Variants in RABGAP1L observed in about 807,000 individuals in gnomAD.
RABGAP1L encodes rab GTPase-activating protein 1-like.
In RABGAP1L, 63 loss-of-function variants were observed where a neutral mutation model predicts 137.7. That is an observed-to-expected ratio of 0.46 (90% CI 0.37 to 0.56). The LOEUF (loss-of-function observed/expected upper bound fraction) is 0.56, where lower values mean the gene tolerates loss of function less well. RABGAP1L is among the 20% of genes least tolerant of loss of function. The pLI is 0.00. For synonymous variants in RABGAP1L, 431 were observed against 433.7 expected (o/e 0.99, Z 0.08); for missense variants, 1,095 against 1,244.0 (o/e 0.88, Z 1.80).
At chr1:174,441,981 A>G (rs966223517) in intron 13 of RABGAP1L, among the ~76,000 whole-genome samples, 2 of 152,090 alleles carry the variant, frequency 1.3e-5, no homozygotes, top group African/African-American at 2.4e-5. Flanking sequence ...TGTAGATTCA[A>G]ATAGCTACCA....
In RABGAP1L at chr1:174,820,339, G is replaced by A. The variant is rs557486772; in HGVS notation, c.2340+8379G>A. On this transcript the variant is annotated intron_variant, in intron 19 of 25. Coordinates refer to ENST00000681986, the MANE Select transcript of RABGAP1L (RefSeq NM_001366446.1). ...GAAAGAGGTATCCCTGATTTGTAGC[G>A]TTTGCCCATTTCCATGGTATGAATA... Among the ~76,000 whole-genome samples the A allele has an allele frequency of 8.5e-5, 13 of 152,172 alleles. No individual in the cohort carries two copies. The East Asian group carries it at 1.2e-3, about 14-fold the overall frequency.
chr1:174,502,569 G>A (rs1363455180), intron 13 of RABGAP1L, among the ~76,000 whole-genome samples: 1 of 95,208 alleles, frequency 1.1e-5, no homozygotes, highest in African/African-American at 4.7e-5. Context: ...GCAGAAGAAA[G>A]TACACGGTAT....
chr1:174,211,515 A>G (rs1040175566), intron 1 of RABGAP1L, among the ~76,000 whole-genome samples: 1 of 152,182 alleles, frequency 6.6e-6, no homozygotes, highest in African/African-American at 2.4e-5. Context: ...GAAGCAAGAA[A>G]TTAAATCATG....
chr1:174,746,945 G>A (rs957849887), intron 17 of RABGAP1L, among the ~76,000 whole-genome samples: 1 of 152,186 alleles, frequency 6.6e-6, no homozygotes, highest in Non-Finnish European at 1.5e-5. Context: ...TAAATGATAA[G>A]TGGCCATAAT....
chr1:174,748,025 T>C (rs1303899575), intron 17 of RABGAP1L, among the ~76,000 whole-genome samples: 1 of 152,148 alleles, frequency 6.6e-6, no homozygotes, highest in African/African-American at 2.4e-5. Context: ...CAAAATCATA[T>C]CACCAAACTA....
At chr1:174,820,846 G>C (rs116026255) in intron 19 of RABGAP1L, among the ~76,000 whole-genome samples, 1 of 151,860 alleles carries the variant, frequency 6.6e-6, no homozygotes, top group African/African-American at 2.4e-5. Flanking sequence ...GTGAAAACCC[G>C]TATCTACTAA....
intron 19 of RABGAP1L, among the ~76,000 whole-genome samples, chr1:174,933,836 G>T (rs1664272180): frequency 6.6e-6 from 1 of 152,092 alleles, no homozygotes; most frequent in Non-Finnish European, 1.5e-5. Context: ...TTAGGGCTTT[G>T]GAGCCATCCT....
At chr1:174,295,009 C>T (rs570758043) in intron 10 of RABGAP1L, among the ~76,000 whole-genome samples, 7 of 152,022 alleles carry the variant, frequency 4.6e-5, no homozygotes, top group African/African-American at 1.7e-4. Flanking sequence ...ACCTCTGTTT[C>T]CCAGGTTCAG....
chr1:174,547,777 C>A, intron 13 of RABGAP1L: 1 of 1,344,538 alleles, frequency 7.4e-7, no homozygotes, highest in South Asian at 1.3e-5. Context: ...ACGTTAGATG[C>A]ATCAGTTTAT....
chr1:174,389,368 A>G (rs563895041), intron 12 of RABGAP1L, among the ~76,000 whole-genome samples: 2 of 151,626 alleles, frequency 1.3e-5, no homozygotes, highest in South Asian at 2.1e-4. Context: ...TCCACCTCCT[A>G]TCAAAATTTC....
chr1:174,300,779 T>C (rs1360417391), intron 10 of RABGAP1L, among the ~76,000 whole-genome samples: 4 of 151,934 alleles, frequency 2.6e-5, no homozygotes, highest in African/African-American at 7.3e-5. Context: ...AGGCAGAGAA[T>C]TGCTTCAACC....
intron 18 of RABGAP1L, among the ~76,000 whole-genome samples, chr1:174,773,335 GAACAACAT>G (rs922285238): frequency 3.9e-5 from 6 of 152,050 alleles, no homozygotes; most frequent in Admixed American, 1.3e-4. Context: ...AGACTAATCT[GAACAACAT>G]AGTGAGACCC....
chr1:174,340,041 AT>A (rs1340356738), intron 11 of RABGAP1L, among the ~76,000 whole-genome samples: 1 of 151,944 alleles, frequency 6.6e-6, no homozygotes, highest in Non-Finnish European at 1.5e-5. Flanking sequence ...TGGTTATTAA[AT>A]TTTTTAGGTT....
intron 11 of RABGAP1L, among the ~76,000 whole-genome samples, chr1:174,318,877 A>G (rs190326282): frequency 2.6e-4 from 39 of 151,904 alleles, no homozygotes; most frequent in Non-Finnish European, 4.4e-4. Context: ...TCCTTCTCCC[A>G]TATTTACAAT....
rs531909826 is a variant in RABGAP1L at position 174,483,112 on chromosome 1, T to A, written c.1710+88967T>A. ...GTGGAGGTATCCATCACCTCAAGCA[T>A]TTATCCTTTATATTTCAAACAATAT... On this transcript the variant is annotated intron_variant, in intron 13 of 25. Transcript: ENST00000681986. Among the ~76,000 whole-genome samples the A allele has an allele frequency of 2.6e-5, 4 of 152,336 alleles. No individual in the cohort carries two copies. The East Asian group carries it at 5.8e-4, about 22-fold the overall frequency.
chr1:174,178,312 T>G (rs1368458368), intron 1 of RABGAP1L, among the ~76,000 whole-genome samples: 1 of 152,220 alleles, frequency 6.6e-6, no homozygotes, highest in Non-Finnish European at 1.5e-5. Context: ...TTTTGCACAT[T>G]GATTTTGTAT....
At chr1:174,605,424 T>C (rs1670713890) in intron 13 of RABGAP1L, among the ~76,000 whole-genome samples, 2 of 152,210 alleles carry the variant, frequency 1.3e-5, no homozygotes. Context: ...ACTGGTTTAC[T>C]TTTGCTTTTA....
intron 1 of RABGAP1L, among the ~76,000 whole-genome samples, chr1:174,177,994 G>A (rs1204370254): frequency 6.6e-6 from 1 of 152,180 alleles, no homozygotes; most frequent in Non-Finnish European, 1.5e-5. Context: ...GAAATTTAAA[G>A]TAGTTTTTTC....
intron 19 of RABGAP1L, among the ~76,000 whole-genome samples, chr1:174,928,554 C>T (rs1256184987): frequency 6.6e-5 from 10 of 151,842 alleles, no homozygotes; most frequent in Non-Finnish European, 1.2e-4. Context: ...AAGCAAAAGC[C>T]TTGTTAACTG....
Sources: allele counts gnomAD v4.1 joint callset (sites outside exome capture counted in the v4.1 genomes callset), GRCh38; gene constraint gnomAD v4.1.1; transcripts MANE v1.5; gene names NCBI Gene and HGNC (gene_info 2026-07-23, HGNC 2026-07-21).